USP37: variants seen among roughly 807,000 people sequenced by gnomAD.
The protein encoded by USP37 is ubiquitin carboxyl-terminal hydrolase 37.
A neutral mutation model predicts 124.0 loss-of-function variants in USP37; 27 were observed. The observed-to-expected ratio is 0.22, with a 90% confidence interval of 0.16 to 0.30. The LOEUF (loss-of-function observed/expected upper bound fraction) is 0.30, where lower values mean the gene tolerates loss of function less well. Among genes scored for constraint, USP37 ranks in the 10% least tolerant of loss-of-function variants. The probability of loss-of-function intolerance (pLI) is 1.00; values close to 1 mark genes in which losing one functional copy is unlikely to be tolerated. For missense variants in USP37, 889 were observed against 1,140.4 expected, an observed-to-expected ratio of 0.78 and a Z score of 3.17; for synonymous variants, 365 against 388.0, an observed-to-expected ratio of 0.94 and a Z score of 0.70.
In USP37 at chr2:218,495,864, A is replaced by G; in HGVS notation, c.1368T>C (p.Val456=). Reference sequence around the variant, plus strand: ...TATCTGGTGAATTTTCTTCTCCAGAAACAGGTTCAGTCTTCCAAGTTTTAT... The same window carrying G: ...TATCTGGTGAATTTTCTTCTCCAGAGACAGGTTCAGTCTTCCAAGTTTTAT... The part of the protein sequence containing the change: ...KLNKTWKTEP[V]SGEENSPDIS... Residue 456 remains valine (V), a synonymous_variant, in exon 14 of 26, where the codon GTT becomes GTC. Coordinates refer to ENST00000258399, the MANE Select transcript of USP37 (RefSeq NM_020935.3). 1 of 1,614,074 alleles carries G rather than the reference A, an allele frequency of 6.2e-7. No individual in the cohort carries two copies. Among genetic ancestry groups the G allele is most frequent in the Non-Finnish European group, 8.5e-7 (1 of 1,180,024 alleles).
chr2:218,481,528 C>A (rs1314397223), intron 17 of USP37, among the ~76,000 whole-genome samples: 3 of 152,084 alleles, frequency 2.0e-5, no homozygotes, highest in African/African-American at 4.8e-5. Flanking sequence ...ACCAAGAGCA[C>A]TTCCTAAAAA....
chr2:218,561,675 C>A (rs1693320104), intron 2 of USP37, among the ~76,000 whole-genome samples: 1 of 151,682 alleles, frequency 6.6e-6, no homozygotes, highest in African/African-American at 2.4e-5. Flanking sequence ...AAAAATTCTA[C>A]CTCCATACAC....
At chr2:218,521,499 T>A (rs1690618152) in intron 10 of USP37, among the ~76,000 whole-genome samples, 1 of 151,868 alleles carries the variant, frequency 6.6e-6, no homozygotes, top group Non-Finnish European at 1.5e-5. Flanking sequence ...TTGCCCTCCA[T>A]CCCCCAACAG....
intron 8 of USP37, 64 bp downstream of exon 8, chr2:218,546,157 T>C (rs1402526508): frequency 2.3e-6 from 3 of 1,306,338 alleles, no homozygotes; most frequent in African/African-American, 3.0e-5. Context: ...TCTTCCCCAG[T>C]GGTTACAAAT....
Position 218,485,635 on chromosome 2 carries a change from CAAAAAAAAAAAAA to C in USP37, c.1670+16_1670+28del, listed in dbSNP as rs60749670. The C allele has an allele frequency of 3.1e-6, 4 of 1,295,302 alleles. No homozygotes were observed. The highest frequency in any genetic ancestry group is 4.0e-6 in the Non-Finnish European group (4 of 994,068). The allele number at this position is 1,295,302 out of a possible 1,614,324, so 80.2% of individuals were successfully genotyped here. A position where few individuals can be genotyped will look rare whatever the true frequency, so the allele number is the denominator to read the frequency against. On this transcript the variant is annotated intron_variant, in intron 16 of 25. Transcript: ENST00000258399. ...TACCTGGGAATTCTTTAGTCCATAG[CAAAAAAAAAAAAA>C]AAAAAAAAAAATTACCTAGGAAGCC...
intron 21 of USP37, among the ~76,000 whole-genome samples, chr2:218,463,576 C>T (rs752568427): frequency 4.8e-4 from 71 of 148,218 alleles, no homozygotes; most frequent in Non-Finnish European, 8.6e-4. Context: ...CGCTCTGTCC[C>T]CCAGGCTGGA....
chr2:218,516,894 G>C (rs1341173233), intron 10 of USP37, among the ~76,000 whole-genome samples: 4 of 152,008 alleles, frequency 2.6e-5, no homozygotes, highest in Non-Finnish European at 4.4e-5. Context: ...ATAAAACCTT[G>C]AGTTCATATT....
intron 9 of USP37, among the ~76,000 whole-genome samples, chr2:218,531,542 C>A (rs756024020): frequency 5.1e-4 from 78 of 152,312 alleles, no homozygotes; most frequent in Non-Finnish European, 9.8e-4. Flanking sequence ...CATTCTACAG[C>A]CCATGGATCA....
chr2:218,482,138 G>C lies in USP37; in HGVS notation c.1767C>G (p.Thr589=), dbSNP rs766502348. 6 of 1,613,756 alleles carry C rather than the reference G, an allele frequency of 3.7e-6. No individual in the cohort carries two copies. Among genetic ancestry groups the C allele is most frequent in the Admixed American group, 3.3e-5 (2 of 60,004 alleles). ...TATTTTCAGTGCAATGAGATGACAG[G>C]GTCAGGTATCTTGGAATGATGACTT... ...GQQVIIPRYL[T]LSSHCTENTK... is the part of the protein sequence containing the mutation. Residue 589 remains threonine (T), a synonymous_variant, in exon 17 of 26, where the codon ACC becomes ACG. Coordinates refer to ENST00000258399, the MANE Select transcript of USP37 (RefSeq NM_020935.3).
chr2:218,534,565 T>C (rs1050445112), intron 9 of USP37, 44 bp downstream of exon 9: 1 of 1,192,934 alleles, frequency 8.4e-7, no homozygotes. Context: ...CTAATAAATA[T>C]ATAATAAATG....
chr2:218,544,426 TATATAGAGAGAGAG>T (rs1450313736), intron 8 of USP37, among the ~76,000 whole-genome samples: 31 of 47,734 alleles, frequency 6.5e-4, no homozygotes, highest in Non-Finnish European at 9.3e-4. Flanking sequence ...TATATATATA[TATATAGAGAGAGAG>T]AGAGAGAGAG....
chr2:218,513,428 T>A (rs1016691788), intron 10 of USP37, among the ~76,000 whole-genome samples: 4 of 152,200 alleles, frequency 2.6e-5, no homozygotes, highest in African/African-American at 9.7e-5. Flanking sequence ...TGCACACATT[T>A]AAAGTGTATA....
At chr2:218,525,861 C>T (rs1459893730) in intron 10 of USP37, among the ~76,000 whole-genome samples, 1 of 152,084 alleles carries the variant, frequency 6.6e-6, no homozygotes, top group Non-Finnish European at 1.5e-5. Context: ...TCCAACAAGC[C>T]CCAGTGTGTG....
Position 218,455,636 on chromosome 2 carries a change from C to T in USP37, c.2796G>A (p.Glu932=), listed in dbSNP as rs760821973. Reference sequence around the variant, plus strand: ...GATCTCGATCACTCTGCACGGCAGCCTCTTGGATTTTTGATACCTCCAGGT... The same window carrying T: ...GATCTCGATCACTCTGCACGGCAGCTTCTTGGATTTTTGATACCTCCAGGT... ...YNDLEVSKIQ[E]AAVQSDRDRS... is the part of the protein sequence containing the mutation. The change falls in exon 25 of 26, where the codon GAG becomes GAA. Residue 932 remains glutamate, a synonymous_variant. Transcript: ENST00000258399. 1 of 1,614,182 alleles carries T rather than the reference C, an allele frequency of 6.2e-7. No homozygotes were observed. The highest frequency in any genetic ancestry group is 2.2e-5 in the East Asian group (1 of 44,894).
At chr2:218,485,833 T>A in intron 15 of USP37, 90 bp from the exon 16 acceptor site, 1 of 1,383,374 alleles carries the variant, frequency 7.2e-7, no homozygotes, top group Non-Finnish European at 1.0e-6. Context: ...TTAGTTCCAT[T>A]AGTGGAATGA....
rs1399315913 is a variant in USP37, at chr2:218,453,246, GTGTTTTTTTTGTTTT to G, written c.*1669_*1683del. On this transcript the variant is annotated 3_prime_UTR_variant, in exon 26 of 26. Transcript: ENST00000258399. ...GTTGCATCTTCTGTGATGATGGTTT[GTGTTTTTTTTGTTTT>G]TGTTTTCGTTTTTTTTAATGAGATG... 1 of 151,154 alleles carries G rather than the reference GTGTTTTTTTTGTTTT, an allele frequency of 6.6e-6. No homozygotes were observed. Among genetic ancestry groups the G allele is most frequent in the Non-Finnish European group, 1.5e-5 (1 of 67,950 alleles). The allele number at this position is 151,154 out of a possible 1,614,324, so 9.4% of individuals were successfully genotyped here. A position where few individuals can be genotyped will look rare whatever the true frequency, so the allele number is the denominator to read the frequency against.
rs1451529106 is a variant in USP37 at position 218,534,696 on chromosome 2, C to T, written c.691G>A (p.Ala231Thr). The T allele has an allele frequency of 5.6e-6, 9 of 1,598,184 alleles. No individual in the cohort carries two copies. Among genetic ancestry groups the T allele is most frequent in the African/African-American group, 5.4e-5 (4 of 74,362 alleles). Residue 231 changes from alanine (A) to threonine (T), a missense_variant, in exon 9 of 26, where the codon GCC becomes ACC. Coordinates refer to ENST00000258399, the MANE Select transcript of USP37 (RefSeq NM_020935.3). ...KENDSSSNNK[A>T]MTDPSRKYLT... ...TACTTTCTGGAGGGATCTGTCATGG[C>T]CTTGTTGTTCCTATAGTTAATAATT...
chr2:218,490,393 T>G (rs572627702), intron 14 of USP37, among the ~76,000 whole-genome samples: 1 of 152,218 alleles, frequency 6.6e-6, no homozygotes, highest in Non-Finnish European at 1.5e-5. Context: ...GATACTTCTA[T>G]TAGGCAGCAG....
chr2:218,557,666 C>T (rs1414990449), intron 4 of USP37, among the ~76,000 whole-genome samples: 2 of 146,258 alleles, frequency 1.4e-5, no homozygotes, highest in Non-Finnish European at 3.0e-5. Flanking sequence ...CGGTGGCTCA[C>T]GGCTGTAATC....
Sources: allele counts gnomAD v4.1 joint callset (sites outside exome capture counted in the v4.1 genomes callset), GRCh38; gene constraint gnomAD v4.1.1; transcripts MANE v1.5; gene names NCBI Gene and HGNC (gene_info 2026-07-23, HGNC 2026-07-21).